Variants in MED16 observed in about 807,000 individuals in gnomAD.
MED16 encodes mediator of RNA polymerase II transcription subunit 16.
A neutral mutation model predicts 84.4 loss-of-function variants in MED16; 81 were observed. The ratio of observed to expected loss-of-function variants is 0.96; its 90% CI spans 0.80 to 1.15. MED16 has a LOEUF of 1.15. MED16 is among the 50% of genes most tolerant of loss of function. MED16 has a pLI of 0.00. For synonymous variants in MED16, 897 were observed against 552.2 expected (o/e 1.62, Z -8.76); for missense variants, 1,585 against 1,245.9 (o/e 1.27, Z -4.10).
intron 11 of MED16, 46 bp downstream of exon 11, chr19:873,403 G>A: frequency 6.3e-7 from 1 of 1,582,898 alleles, no homozygotes; most frequent in Non-Finnish European, 8.6e-7. Context: ...CTGATGAGAT[G>A]GGGGCCCAGG....
chr19:888,885 C>T (rs572188943), intron 4 of MED16, among the ~76,000 whole-genome samples: 1 of 152,130 alleles, frequency 6.6e-6, no homozygotes, highest in African/African-American at 2.4e-5. Context: ...GCGAGAGCCC[C>T]AGCACAAGCA....
intron 12 of MED16, 95 bp from the exon 13 acceptor site, chr19:871,348 C>G: frequency 7.2e-7 from 1 of 1,380,828 alleles, no homozygotes; most frequent in East Asian, 2.5e-5. Context: ...TCAGGAGCAC[C>G]AGGTCAGGGC....
At chr19:881,447 C>G (rs2036421180) in intron 7 of MED16, 112 bp downstream of exon 7, 1 of 1,307,932 alleles carries the variant, frequency 7.6e-7, no homozygotes, top group Admixed American at 2.5e-5. Flanking sequence ...GGCCTGTGCT[C>G]AGAGCCCACG....
intron 1 of MED16, 57 bp from the exon 2 acceptor site, chr19:891,206 G>A: frequency 6.6e-7 from 1 of 1,513,760 alleles, no homozygotes; most frequent in Non-Finnish European, 9.0e-7. Context: ...AGGGCATGTG[G>A]AGTGCCAGGC....
At chr19:888,177 C>G (rs543946402) in intron 4 of MED16, among the ~76,000 whole-genome samples, 30 of 151,824 alleles carry the variant, frequency 2.0e-4, no homozygotes, top group African/African-American at 7.0e-4. Context: ...ACACTCCAGC[C>G]TGGGCAACAG....
At chr19:877,613 C>G (rs2036282718) in intron 8 of MED16, among the ~76,000 whole-genome samples, 1 of 91,362 alleles carries the variant, frequency 1.1e-5, no homozygotes, top group Non-Finnish European at 2.5e-5. Flanking sequence ...TGGTCCCTTC[C>G]CCCGGGGGCG....
chr19:872,090 A>G lies in MED16; in HGVS notation c.1934T>C (p.Phe645Ser), dbSNP rs756154373. 4 of 1,608,066 alleles carry G rather than the reference A, an allele frequency of 2.5e-6. No homozygotes were observed. The highest frequency in any genetic ancestry group is 3.4e-6 in the Non-Finnish European group (4 of 1,177,496). The change falls in exon 12 of 16, where the codon TTT (phenylalanine) becomes TCT (serine). Residue 645 changes from phenylalanine to serine, a missense_variant. Phe to Ser is a radical substitution (Grantham distance 155). Coordinates refer to ENST00000325464, the MANE Select transcript of MED16 (RefSeq NM_005481.3). ...GCCCAGCGAGGTGCCGTCCCGCAGA[A>G]AGCTGTGGCCCGGCCTCAGCAGGGA... ...QGSLLRPGHS[F>S]LRDGTSLGML...
chr19:891,158 G>C lies in MED16; in HGVS notation c.-18-9C>G. On this transcript the variant is annotated splice_polypyrimidine_tract_variant and intron_variant, in intron 1 of 15. Coordinates refer to ENST00000325464, the MANE Select transcript of MED16 (RefSeq NM_005481.3). ...AGGGCAGTCACCAGCTCCTGCGGGAGGGAGGTGTGGTGGGACGTCTATGTT... is the reference window on the plus strand; with the variant it reads ...AGGGCAGTCACCAGCTCCTGCGGGACGGAGGTGTGGTGGGACGTCTATGTT... 6.2e-6 allele frequency: 10 copies of C among 1,600,040 alleles called. No individual in the cohort carries two copies. The highest frequency in any genetic ancestry group is 7.7e-6 in the Non-Finnish European group (9 of 1,171,974).
At chr19:889,487 G>T in intron 4 of MED16, 151 bp downstream of exon 4, 1 of 814,748 alleles carries the variant, frequency 1.2e-6, no homozygotes, top group Non-Finnish European at 1.9e-6. Flanking sequence ...TGAACACACA[G>T]GTGCTAATGA....
intron 2 of MED16, chr19:890,469 A>G: frequency 2.2e-6 from 1 of 445,482 alleles, no homozygotes; most frequent in Non-Finnish European, 4.0e-6. Context: ...TTAGAAGAAA[A>G]TGACTCCGAA....
chr19:889,996 A>G (rs1318467245), intron 3 of MED16, 141 bp downstream of exon 3: 4 of 833,624 alleles, frequency 4.8e-6, no homozygotes, highest in South Asian at 3.5e-5. Flanking sequence ...TCGGGCCACT[A>G]TGGAAAGAGC....
chr19:872,176 G>A (rs773059549), intron 11 of MED16, 58 bp from the exon 12 acceptor site: 3 of 1,491,282 alleles, frequency 2.0e-6, no homozygotes, highest in South Asian at 1.2e-5. Context: ...GCGATGGGAT[G>A]AAGTGTCTTG....
chr19:885,468 G>A (rs7253106), intron 5 of MED16, among the ~76,000 whole-genome samples: 1 of 152,074 alleles, frequency 6.6e-6, no homozygotes, highest in South Asian at 2.1e-4. Context: ...GGGGTCCGGG[G>A]GCCCCAGTGT....
At chr19:889,955 G>A (rs1226092640) in intron 3 of MED16, 148 bp from the exon 4 acceptor site, 4 of 962,358 alleles carry the variant, frequency 4.2e-6, no homozygotes, top group African/African-American at 3.3e-5. Context: ...GCACTCCAGA[G>A]ATGCCCTGAG....
rs937343648 is a variant in MED16 at position 871,056 on chromosome 19, G to A, written c.2296C>T (p.Gln766Ter). 1.3e-6 allele frequency: 2 copies of A among 1,544,502 alleles called. No homozygotes were observed. Among genetic ancestry groups the A allele is most frequent in the Non-Finnish European group, 1.7e-6 (2 of 1,143,214 alleles). Residue 766 changes from glutamine (Q) to a stop codon, truncating the protein, a stop_gained, in exon 13 of 16, where the codon CAG becomes TAG. Transcript: ENST00000325464. LOFTEE classifies it high-confidence loss of function. Reference protein sequence around the residue: ...PTLPGSAATLQLDGLARAPGQ... With the variant: ...PTLPGSAATL Reference sequence around the variant, plus strand: ...ACGCACCTGGCGAGGCCGTCGAGCTGCAGGGTGGCAGCACTGCCAGGCAGC... The same window carrying A: ...ACGCACCTGGCGAGGCCGTCGAGCTACAGGGTGGCAGCACTGCCAGGCAGC...
chr19:885,052 G>A, intron 5 of MED16, 44 bp from the exon 6 acceptor site: 2 of 1,469,708 alleles, frequency 1.4e-6, no homozygotes, highest in Non-Finnish European at 1.9e-6. Flanking sequence ...CACTGCTGTG[G>A]TGGCCACGCC....
At chr19:886,471 T>G (rs961131010) in intron 4 of MED16, among the ~76,000 whole-genome samples, 5 of 152,172 alleles carry the variant, frequency 3.3e-5, no homozygotes, top group Non-Finnish European at 7.3e-5. Context: ...GGGAGTCACC[T>G]CCCCTTTCTG....
rs928125508 is a variant in MED16, at chr19:874,867, C to G, written c.1771+377G>C. On this transcript the variant is annotated intron_variant, in intron 10 of 15. Transcript: ENST00000325464. ...CCTGGATGACACAGTGAGACCGTCT[C>G]TAAAAGCCTGGGTGTGGTGTAATCC... is the stretch of plus-strand genomic sequence containing the variant. Among the ~76,000 whole-genome samples, 5 of 152,180 alleles carry G rather than the reference C, an allele frequency of 3.3e-5. No individual in the cohort carries two copies. The South Asian group carries it at 1.0e-3, about 32-fold the overall frequency.
At chr19:886,632 C>T (rs1006246684) in intron 4 of MED16, among the ~76,000 whole-genome samples, 25 of 152,358 alleles carry the variant, frequency 1.6e-4, no homozygotes, top group East Asian at 1.3e-3. Flanking sequence ...GGCCCTGGGC[C>T]GCACTGTGCA....
Sources: gnomAD v4.1 joint callset for allele counts (sites outside exome capture counted in the v4.1 genomes callset) on GRCh38, gnomAD v4.1.1 for gene constraint, MANE v1.5 for transcripts, NCBI Gene and HGNC (gene_info 2026-07-23, HGNC 2026-07-21) for gene names.